The following TPCN1 variants were observed in gnomAD, a reference collection of about 807,000 sequenced individuals.
The protein encoded by TPCN1 is two pore segment channel 1, also known as two pore channel protein 1.
Under a neutral mutation model 108.8 loss-of-function variants are expected in TPCN1, and 52 were observed. The ratio of observed to expected loss-of-function variants is 0.48; its 90% CI spans 0.38 to 0.60. TPCN1 has a LOEUF of 0.60. Among genes scored for constraint, TPCN1 ranks in the 20% least tolerant of loss-of-function variants. TPCN1 has a pLI of 0.00. For synonymous variants in TPCN1, 446 were observed against 433.7 expected (o/e 1.03, Z -0.35); for missense variants, 806 against 1,072.8 (o/e 0.75, Z 3.47).
At chr12:113,258,741 G>A (rs995310963) in intron 2 of TPCN1, among the ~76,000 whole-genome samples, 16 of 152,066 alleles carry the variant, frequency 1.1e-4, no homozygotes, top group Middle Eastern at 3.4e-3. Context: ...TGCTTGTGCC[G>A]CTGTACTCCA....
intron 2 of TPCN1, among the ~76,000 whole-genome samples, chr12:113,248,146 C>T (rs567563611): frequency 7.2e-4 from 110 of 152,386 alleles, no homozygotes; most frequent in African/African-American, 2.6e-3. Context: ...CCACTGCACC[C>T]CGGGTGGAGC....
At chr12:113,259,123 C>T (rs61943602) in intron 2 of TPCN1, among the ~76,000 whole-genome samples, 8,967 of 152,016 alleles carry the variant, frequency 0.059, 358 homozygotes, top group Middle Eastern at 0.071. Flanking sequence ...ATTACAGGCA[C>T]CTTCCACCAC....
At chr12:113,282,678 C>A (rs1293389748) in intron 15 of TPCN1, among the ~76,000 whole-genome samples, 7 of 151,234 alleles carry the variant, frequency 4.6e-5, no homozygotes, top group African/African-American at 1.5e-4. Context: ...ATCACCTGAG[C>A]CTGGGGAGGT....
In TPCN1 at chr12:113,221,507, G is replaced by C. The variant is rs1334468789; in HGVS notation, c.-245G>C. 3.4e-6 allele frequency: 1 copy of C among 291,560 alleles called. No individual in the cohort carries two copies. The highest frequency in any genetic ancestry group is 2.2e-5 in the African/African-American group (1 of 45,212). The allele number at this position is 291,560 out of a possible 1,614,324, so 18.1% of individuals were successfully genotyped here. A position where few individuals can be genotyped will look rare whatever the true frequency, so the allele number is the denominator to read the frequency against. ...TGGTGGCAGTGGCTGAAGTGGCGGC[G>C]GCTTCGGCGGCTGCGGCGGCTGCAA... is the stretch of plus-strand genomic sequence containing the variant. On this transcript the variant is annotated 5_prime_UTR_variant, in exon 1 of 28. Transcript: ENST00000335509.
intron 2 of TPCN1, among the ~76,000 whole-genome samples, chr12:113,241,787 T>TGC (rs1350400835): frequency 1.3e-5 from 2 of 151,096 alleles, no homozygotes; most frequent in African/African-American, 4.9e-5. Flanking sequence ...TGTGTGTGTG[T>TGC]GTGTGTGCGT....
intron 2 of TPCN1, among the ~76,000 whole-genome samples, chr12:113,228,032 T>G (rs1320940311): frequency 6.6e-6 from 1 of 152,234 alleles, no homozygotes; most frequent in African/African-American, 2.4e-5. Flanking sequence ...TTTCCCCAAG[T>G]GCCACTCAGG....
intron 1 of TPCN1, among the ~76,000 whole-genome samples, chr12:113,223,698 C>A (rs2136420979): frequency 6.6e-6 from 1 of 152,252 alleles, no homozygotes; most frequent in African/African-American, 2.4e-5. Context: ...CATGCACCAC[C>A]ACACCTGGCT....
intron 27 of TPCN1, chr12:113,294,155 G>A (rs1439354681): frequency 6.6e-6 from 1 of 152,202 alleles, no homozygotes; most frequent in African/African-American, 2.4e-5. Flanking sequence ...CGTGATCATA[G>A]CTCACTGTAG....
Position 113,268,882 on chromosome 12 carries a change from G to T in TPCN1, c.659+10G>T. On this transcript the variant is annotated intron_variant, in intron 6 of 27. Coordinates refer to ENST00000335509, the MANE Select transcript of TPCN1 (RefSeq NM_017901.6). This position sits in a 1 kb window ranked among gnomAD's most constrained non-coding sequence, Gnocchi z 7.3. ...GCGGTGGCGTCCGGCGGTAAGGCCC[G>T]GGTGGGGAGCTGGGCAGTCACTATC... The T allele has an allele frequency of 6.2e-7, 1 of 1,613,448 alleles. No individual in the cohort carries two copies. The highest frequency in any genetic ancestry group is 1.1e-5 in the South Asian group (1 of 91,020).
intron 25 of TPCN1, chr12:113,292,614 C>T (rs980206522): frequency 3.3e-5 from 8 of 243,974 alleles, no homozygotes; most frequent in Admixed American, 2.6e-4. Flanking sequence ...AACAGAAAAC[C>T]CTGTGCCCAC....
chr12:113,248,861 G>C (rs1487200615), intron 2 of TPCN1, among the ~76,000 whole-genome samples: 2 of 152,220 alleles, frequency 1.3e-5, no homozygotes, highest in Admixed American at 6.5e-5. Flanking sequence ...TCTCTGACTG[G>C]TGTCAAGAAT....
chr12:113,229,704 C>T (rs1953609300), intron 2 of TPCN1, among the ~76,000 whole-genome samples: 1 of 152,152 alleles, frequency 6.6e-6, no homozygotes, highest in African/African-American at 2.4e-5. Context: ...GTTGGCCAGG[C>T]TGGTCTCGAA....
rs970468832 is a variant in TPCN1 at position 113,231,341 on chromosome 12, A to G, written c.112+4377A>G. Among the ~76,000 whole-genome samples the G allele has an allele frequency of 1.3e-5, 2 of 152,172 alleles. No individual in the cohort carries two copies. The highest frequency in any genetic ancestry group is 4.8e-5 in the African/African-American group (2 of 41,440). On this transcript the variant is annotated intron_variant, in intron 2 of 27. Transcript: ENST00000335509. The surrounding 1 kb of genome is among the most constrained non-coding windows in gnomAD (Gnocchi z 4.3). The stretch of plus-strand genomic sequence containing the variant: ...CGAAGCCTCTTTCCTTGGCTCGCAA[A>G]TGGTTATCTTCTTGCTGTGTCCCCA...
intron 2 of TPCN1, among the ~76,000 whole-genome samples, chr12:113,256,415 A>G (rs1369596789): frequency 6.6e-6 from 1 of 152,106 alleles, no homozygotes; most frequent in Non-Finnish European, 1.5e-5. Context: ...TAAAGTTTAT[A>G]TGGAAGTTCA....
Position 113,268,555 on chromosome 12 carries a change from T to C in TPCN1, c.529-187T>C, listed in dbSNP as rs1257420204. ...CCATTCTTCTGGTGCCACACACCTG[T>C]GCCAGCACCTGGAGTTTTTTTTCTT... On this transcript the variant is annotated intron_variant, in intron 5 of 27. Transcript: ENST00000335509. This position sits in a 1 kb window ranked among gnomAD's most constrained non-coding sequence, Gnocchi z 7.3. Among the ~76,000 whole-genome samples, 1 of 152,186 alleles carries C rather than the reference T, an allele frequency of 6.6e-6. No homozygotes were observed. Among genetic ancestry groups the C allele is most frequent in the East Asian group, 1.9e-4 (1 of 5,192 alleles).
chr12:113,284,450 G>C lies in TPCN1; in HGVS notation c.1343-131G>C. 1.1e-6 allele frequency: 1 copy of C among 943,518 alleles called. No individual in the cohort carries two copies. The highest frequency in any genetic ancestry group is 1.7e-6 in the Non-Finnish European group (1 of 594,816). The allele number at this position is 943,518 out of a possible 1,614,324, so 58.4% of individuals were successfully genotyped here. On this transcript the variant is annotated intron_variant, in intron 15 of 27. Transcript: ENST00000335509. The surrounding 1 kb of genome is among the most constrained non-coding windows in gnomAD (Gnocchi z 4.1). ...GCAGAAAGAAGTTCCCTATCAAATG[G>C]GTGTGTGGAGCAGCCCTGTTCTCCC... is the stretch of plus-strand genomic sequence containing the variant.
chr12:113,239,203 C>G (rs1166648468), intron 2 of TPCN1, among the ~76,000 whole-genome samples: 2 of 152,056 alleles, frequency 1.3e-5, no homozygotes, highest in African/African-American at 4.8e-5. Context: ...GCAAAGAATC[C>G]TTTCGTAGTA....
chr12:113,279,484 C>T lies in TPCN1; in HGVS notation c.1297+649C>T, dbSNP rs536291663. Among the ~76,000 whole-genome samples, 773 of 143,998 alleles carry T rather than the reference C, an allele frequency of 5.4e-3. 6 individuals are homozygous for T. The highest frequency in any genetic ancestry group is 0.018 in the African/African-American group (714 of 38,702). The allele number at this position is 143,998 out of a possible 152,430, so 94.5% of individuals were successfully genotyped here. On this transcript the variant is annotated intron_variant, in intron 14 of 27. Coordinates refer to ENST00000335509, the MANE Select transcript of TPCN1 (RefSeq NM_017901.6). Reference sequence around the variant, plus strand: ...GTGCGATCTCGCTCACTGCAACCTCCGCCTCCCAGATTCAAGCGATTCTCC... The same window carrying T: ...GTGCGATCTCGCTCACTGCAACCTCTGCCTCCCAGATTCAAGCGATTCTCC...
rs749772266 is a variant in TPCN1 at position 113,291,520 on chromosome 12, C to T, written c.1960-89C>T. ...CAGCCACAAATCACGGTGGGGTCTG[C>T]GAAGAGCCGGGGCCATGGAGCAGCC... On this transcript the variant is annotated intron_variant, in intron 23 of 27. Coordinates refer to ENST00000335509, the MANE Select transcript of TPCN1 (RefSeq NM_017901.6). 1.9e-5 allele frequency: 22 copies of T among 1,156,816 alleles called. No individual in the cohort carries two copies. In the East Asian group the frequency reaches 2.8e-4, roughly 15 times the overall value. 71.7% of individuals were successfully genotyped at this position (1,156,816 alleles called of 1,614,324 possible).
Sources: allele counts gnomAD v4.1 joint callset (sites outside exome capture counted in the v4.1 genomes callset), GRCh38; gene constraint gnomAD v4.1.1; non-coding constraint Gnocchi (gnomAD v3.1); transcripts MANE v1.5; gene names NCBI Gene and HGNC (gene_info 2026-07-23, HGNC 2026-07-21).